The following DSCAML1 variants were observed in gnomAD, a reference collection of about 807,000 sequenced individuals.
DSCAML1 encodes cell adhesion molecule DSCAML1.
A neutral mutation model predicts 200.5 loss-of-function variants in DSCAML1; 38 were observed. The observed-to-expected ratio is 0.19, with a 90% CI of 0.15 to 0.25. DSCAML1 has a LOEUF of 0.25. Ranked by LOEUF, DSCAML1 falls within the 10% of genes least tolerant of loss-of-function variation. DSCAML1 has a pLI of 1.00. For missense variants in DSCAML1, 2,223 were observed against 2,858.8 expected, an observed-to-expected ratio of 0.78 and a Z score of 5.07; for synonymous variants, 1,215 against 1,165.0, an observed-to-expected ratio of 1.04 and a Z score of -0.87.
At position 117,780,278 on chromosome 11, in the gene DSCAML1, A is replaced by AAGAC. The variant is rs1277173819; in HGVS notation, c.364+214_364+215insGTCT. On this transcript the variant is annotated intron_variant, in intron 2 of 32. Coordinates refer to ENST00000651296, the MANE Select transcript of DSCAML1 (RefSeq NM_020693.4). This position sits in a 1 kb window ranked among gnomAD's most constrained non-coding sequence, Gnocchi z 4.8. ...AAAGAAAGAAAGAAAGAAAGAAAGAAAGAAAGAAAGAAAGAAAGAAAGAAA... is the reference window on the plus strand; with the variant it reads ...AAAGAAAGAAAGAAAGAAAGAAAGAAAGACAGAAAGAAAGAAAGAAAGAAAGAAA... 2.1e-5 allele frequency among the ~76,000 whole-genome samples: 2 copies of AAGAC among 96,756 alleles called. No homozygotes were observed. Among genetic ancestry groups the AAGAC allele is most frequent in the Non-Finnish European group, 5.0e-5 (2 of 39,736 alleles). 63.5% of individuals were successfully genotyped at this position (96,756 alleles called of 152,430 possible).
chr11:117,457,147 G>C (rs1712447421), intron 19 of DSCAML1, among the ~76,000 whole-genome samples: 1 of 152,232 alleles, frequency 6.6e-6, no homozygotes, highest in Admixed American at 6.5e-5. Context: ...GCCAGGCTGG[G>C]GGCATGCACT....
rs2048265685 is a variant in DSCAML1 at position 117,450,600 on chromosome 11, C to T, written c.3657G>A (p.Gly1219=). The part of the protein sequence containing the change: ...VSWLPPTKPN[G]VIRKYTIFCS... ...AGAAGATGGTGTACTTGCGGATCAC[C>T]CCGTTGGGCTTGGTAGGGGGGAGCC... The change falls in exon 20 of 33, where the codon GGG becomes GGA. Residue 1219 remains glycine (G), a synonymous_variant. Transcript: ENST00000651296. 3 of 1,614,210 alleles carry T rather than the reference C, an allele frequency of 1.9e-6. No individual in the cohort carries two copies. The highest frequency in any genetic ancestry group is 2.5e-6 in the Non-Finnish European group (3 of 1,180,042).
At chr11:117,547,725 C>T (rs1055011838) in intron 3 of DSCAML1, among the ~76,000 whole-genome samples, 1 of 152,204 alleles carries the variant, frequency 6.6e-6, no homozygotes, top group Non-Finnish European at 1.5e-5. Flanking sequence ...TTATCTAATT[C>T]ATTCTCACTA....
intron 4 of DSCAML1, among the ~76,000 whole-genome samples, chr11:117,525,361 G>C (rs1165642798): frequency 6.6e-6 from 1 of 152,200 alleles, no homozygotes; most frequent in African/African-American, 2.4e-5. Context: ...GACAGACAGA[G>C]AGACAGATGG....
Position 117,443,867 on chromosome 11 carries a change from A to G in DSCAML1, c.3862+19T>C. On this transcript the variant is annotated intron_variant, in intron 21 of 32. Coordinates refer to ENST00000651296, the MANE Select transcript of DSCAML1 (RefSeq NM_020693.4). ...TTTTGGAAGTGTTTGCCCCTCTGCC[A>G]CAGCCTCAGGCTTCTCACCCTTGCC... The G allele has an allele frequency of 6.4e-7, 1 of 1,573,834 alleles. No individual in the cohort carries two copies. The highest frequency in any genetic ancestry group is 8.6e-7 in the Non-Finnish European group (1 of 1,159,472).
At position 117,439,260 on chromosome 11, in the gene DSCAML1, C is replaced by T. The variant is rs779500815; in HGVS notation, c.4144+6G>A. ...ACCTGGGGTCACCTGCCTCACAGAGCCTCACCTTGCACCAGAAGGTTGACG... is the reference window on the plus strand; with the variant it reads ...ACCTGGGGTCACCTGCCTCACAGAGTCTCACCTTGCACCAGAAGGTTGACG... On this transcript the variant is annotated splice_donor_region_variant and intron_variant, in intron 23 of 32. Transcript: ENST00000651296. 9 of 1,613,720 alleles carry T rather than the reference C, an allele frequency of 5.6e-6. No homozygotes were observed. Among genetic ancestry groups the T allele is most frequent in the Non-Finnish European group, 7.6e-6 (9 of 1,179,784 alleles).
intron 11 of DSCAML1, among the ~76,000 whole-genome samples, chr11:117,490,776 A>C (rs970051393): frequency 5.9e-5 from 9 of 152,204 alleles, no homozygotes; most frequent in African/African-American, 2.2e-4. Context: ...CTTTCGGTTT[A>C]TCCTAGCCTT....
At chr11:117,476,204 C>T (rs1284909683) in intron 14 of DSCAML1, among the ~76,000 whole-genome samples, 7 of 152,118 alleles carry the variant, frequency 4.6e-5, no homozygotes, top group Admixed American at 6.5e-5. Flanking sequence ...GATGTCAGTG[C>T]CTTCTGCTCT....
chr11:117,509,352 C>T (rs1426383959), intron 8 of DSCAML1, among the ~76,000 whole-genome samples: 1 of 152,104 alleles, frequency 6.6e-6, no homozygotes, highest in Non-Finnish European at 1.5e-5. Context: ...CTCCGAGAGG[C>T]CACTGAAGAA....
chr11:117,710,186 T>C (rs1176088393), intron 3 of DSCAML1, among the ~76,000 whole-genome samples: 1 of 152,238 alleles, frequency 6.6e-6, no homozygotes, highest in Non-Finnish European at 1.5e-5. Context: ...AGATTCCTTC[T>C]CTGCTCACTG....
rs760438880 is a variant in DSCAML1, at chr11:117,428,588, T to C, written c.5902A>G (p.Thr1968Ala). 6.3e-6 allele frequency: 10 copies of C among 1,593,740 alleles called. 1 individual carries two copies. The South Asian group carries it at 1.1e-4, about 18-fold the overall frequency. Reference sequence around the variant, plus strand: ...ATGGCCAGAGTCCTCTGAGGTAAGGTGGCTGTGGAGGCGGCAGCGGGGGCC... The same window carrying C: ...ATGGCCAGAGTCCTCTGAGGTAAGGCGGCTGTGGAGGCGGCAGCGGGGGCC... ...PGAPAAASTATLPQRTLAMPA... is the reference protein window; with the variant it reads ...PGAPAAASTAALPQRTLAMPA... Residue 1968 changes from threonine to alanine, a missense_variant, in exon 33 of 33, where the codon ACC becomes GCC. Thr to Ala is a moderately conservative substitution (Grantham distance 58, BLOSUM62 0). Around this residue, in one of 7 missense-constraint regions of DSCAML1, gnomAD observed 280 missense variants for 213.4 expected, o/e 1.31. Transcript: ENST00000651296.
intron 4 of DSCAML1, among the ~76,000 whole-genome samples, chr11:117,530,791 A>G (rs2137339278): frequency 6.6e-6 from 1 of 152,316 alleles, no homozygotes; most frequent in Middle Eastern, 3.4e-3. Flanking sequence ...ACACAGAATC[A>G]GAGCAGCCAC....
At chr11:117,611,496 T>G (rs1320405415) in intron 3 of DSCAML1, 1 of 152,222 alleles carries the variant, frequency 6.6e-6, no homozygotes, top group Non-Finnish European at 1.5e-5. Flanking sequence ...CACTGTGGTC[T>G]TCCCAAGAGC....
chr11:117,816,800 G>GGGGGC (rs2055812685), intron 1 of DSCAML1, among the ~76,000 whole-genome samples: 1 of 105,752 alleles, frequency 9.5e-6, no homozygotes, highest in Non-Finnish European at 2.2e-5. Context: ...GGAATTGCTG[G>GGGGGC]GGGGGTGGGG....
chr11:117,547,827 T>C (rs1041284548), intron 3 of DSCAML1, among the ~76,000 whole-genome samples: 8 of 152,138 alleles, frequency 5.3e-5, no homozygotes, highest in Non-Finnish European at 1.0e-4. Context: ...CCAAAATCCT[T>C]AGCAGGGCAG....
At chr11:117,769,227 T>C (rs186889563) in intron 3 of DSCAML1, among the ~76,000 whole-genome samples, 1,641 of 26,858 alleles carry the variant, frequency 0.061, 222 homozygotes, top group East Asian at 0.12. Context: ...ATATATTGTA[T>C]ATATTATATA....
At chr11:117,718,672 C>CAA (rs2053995709) in intron 3 of DSCAML1, among the ~76,000 whole-genome samples, 2 of 59,760 alleles carry the variant, frequency 3.3e-5, no homozygotes. Flanking sequence ...CTCAAAACCC[C>CAA]CCCCCCCCCC....
At chr11:117,800,382 T>G (rs1175087353), upstream of DSCAML1, among the ~76,000 whole-genome samples, 2 of 152,208 alleles carry the variant, frequency 1.3e-5, no homozygotes, top group African/African-American at 4.8e-5. Flanking sequence ...GTTCCCAAAA[T>G]TATATGGAAA....
chr11:117,496,871 A>G (rs1204157581), intron 11 of DSCAML1, among the ~76,000 whole-genome samples: 1 of 152,224 alleles, frequency 6.6e-6, no homozygotes, highest in African/African-American at 2.4e-5. Context: ...ATTGTTCCAC[A>G]TGGAGACTGT....
Sources: gnomAD v4.1 joint callset for allele counts (sites outside exome capture counted in the v4.1 genomes callset) on GRCh38, gnomAD v4.1.1 for gene constraint, gnomAD v4.1.1 regional missense constraint, Gnocchi (gnomAD v3.1) non-coding constraint, MANE v1.5 for transcripts, NCBI Gene and HGNC (gene_info 2026-07-23, HGNC 2026-07-21) for gene names.